The following TTC39A variants were observed in gnomAD, a reference collection of about 807,000 sequenced individuals.
The protein encoded by TTC39A is tetratricopeptide repeat protein 39A.
Under a neutral mutation model 82.3 loss-of-function variants are expected in TTC39A, and 46 were observed. That is an observed-to-expected ratio of 0.56 (90% CI 0.44 to 0.71). TTC39A has a LOEUF of 0.71. Among genes scored for constraint, TTC39A ranks in the 30% least tolerant of loss-of-function variants. The pLI, the probability that TTC39A is intolerant of heterozygous loss-of-function variation, is 0.00. For missense variants in TTC39A, 543 were observed against 712.9 expected (o/e 0.76, Z 2.71); for synonymous variants, 254 against 275.2 (o/e 0.92, Z 0.76).
intron 6 of TTC39A, among the ~76,000 whole-genome samples, chr1:51,308,695 C>A (rs535197574): frequency 6.6e-6 from 1 of 152,208 alleles, no homozygotes; most frequent in Non-Finnish European, 1.5e-5. Context: ...TTCATAAACA[C>A]GGCCTGTGCC....
intron 14 of TTC39A, among the ~76,000 whole-genome samples, chr1:51,293,203 G>T (rs1481954011): frequency 6.6e-6 from 1 of 152,090 alleles, no homozygotes; most frequent in Non-Finnish European, 1.5e-5. Flanking sequence ...GAGTAACTGG[G>T]ATTACAGGCA....
At chr1:51,297,145 A>T (rs1255213195) in intron 12 of TTC39A, 2 of 151,676 alleles carry the variant, frequency 1.3e-5, no homozygotes, top group Non-Finnish European at 2.9e-5. Flanking sequence ...CCTTCACAAC[A>T]TGAGGGAAAG....
At chr1:51,326,750 G>A (rs1458938469) in intron 1 of TTC39A, among the ~76,000 whole-genome samples, 1 of 152,220 alleles carries the variant, frequency 6.6e-6, no homozygotes, top group African/African-American at 2.4e-5. Flanking sequence ...TCACCTGGCT[G>A]AGACTGAGGC....
At chr1:51,336,622 T>C (rs1468070673) in intron 1 of TTC39A, among the ~76,000 whole-genome samples, 1 of 152,136 alleles carries the variant, frequency 6.6e-6, no homozygotes, top group Non-Finnish European at 1.5e-5. Context: ...GAACTTGGGA[T>C]GCAAAGACAG....
chr1:51,306,202 A>G (rs1285617103), intron 6 of TTC39A, 126 bp from the exon 7 acceptor site: 28 of 705,232 alleles, frequency 4.0e-5, no homozygotes, highest in Non-Finnish European at 6.7e-5. Context: ...GGTAATCCTG[A>G]GAGCTGGTAT....
Position 51,306,095 on chromosome 1 carries a change from T to C in TTC39A, c.489-19A>G. Reference sequence around the variant, plus strand: ...CAGCTCCCTGCAGAGAGATGCCAAGTCCTGTTTCAGCCACTGCTGGGGGTG... The same window carrying C: ...CAGCTCCCTGCAGAGAGATGCCAAGCCCTGTTTCAGCCACTGCTGGGGGTG... On this transcript the variant is annotated intron_variant, in intron 6 of 17. Transcript: ENST00000680483. 1 of 1,592,332 alleles carries C rather than the reference T, an allele frequency of 6.3e-7. No individual in the cohort carries two copies. The highest frequency in any genetic ancestry group is 1.7e-5 in the Admixed American group (1 of 59,876).
chr1:51,321,601 G>T lies in TTC39A; in HGVS notation c.146+120C>A. On this transcript the variant is annotated intron_variant, in intron 2 of 17. Transcript: ENST00000680483. The surrounding 1 kb of genome is among the most constrained non-coding windows in gnomAD (Gnocchi z 4.6). ...AGCCATTTTTATGGGACTTCTCAGA[G>T]GTCCTGGTGACCCAGAAAGCCAAAG... is the stretch of plus-strand genomic sequence containing the variant. 1.2e-6 allele frequency: 1 copy of T among 865,476 alleles called. No homozygotes were observed. The highest frequency in any genetic ancestry group is 1.8e-6 in the Non-Finnish European group (1 of 542,556). 53.6% of individuals were successfully genotyped at this position (865,476 alleles called of 1,614,324 possible).
At chr1:51,303,570 T>A (rs534566467) in intron 8 of TTC39A, among the ~76,000 whole-genome samples, 25 of 152,014 alleles carry the variant, frequency 1.6e-4, no homozygotes, top group Non-Finnish European at 3.4e-4. Flanking sequence ...GCTCAGGGCA[T>A]AGGTGGGGCC....
chr1:51,288,929 T>C lies in TTC39A; in HGVS notation c.1520A>G (p.Tyr507Cys). The C allele has an allele frequency of 1.2e-6, 2 of 1,609,342 alleles. No individual in the cohort carries two copies. The highest frequency in any genetic ancestry group is 1.7e-6 in the Non-Finnish European group (2 of 1,177,860). ...CTCCAGCAGGGCGTTTGGGATCAAG[T>C]AGTGGTCATATTTAATCTTCTTTTC... ...ANEKKIKYDH[Y>C]LIPNALLELA... is the part of the protein sequence containing the mutation. The change falls in exon 17 of 18, where the codon TAC becomes TGC. Residue 507 changes from tyrosine (Y) to cysteine (C), a missense_variant. Coordinates refer to ENST00000680483, the MANE Select transcript of TTC39A (RefSeq NM_001297663.2). This position sits in a 1 kb window ranked among gnomAD's most constrained non-coding sequence, Gnocchi z 4.8.
At chr1:51,344,852 G>A (rs1247971280) in intron 1 of TTC39A, 2 of 1,121,648 alleles carry the variant, frequency 1.8e-6, no homozygotes, top group Non-Finnish European at 2.4e-6. Context: ...TCGGGCCTCC[G>A]GCCGACCCCC....
chr1:51,314,173 G>T (rs1285645472), intron 2 of TTC39A, among the ~76,000 whole-genome samples: 2 of 152,328 alleles, frequency 1.3e-5, no homozygotes, highest in East Asian at 3.9e-4. Context: ...TTGGGGGCAG[G>T]GGGTGGCATT....
chr1:51,331,689 C>T (rs1017117371), upstream of TTC39A: 5 of 985,278 alleles, frequency 5.1e-6, no homozygotes, highest in African/African-American at 8.7e-5. Flanking sequence ...CATTTGTGAG[C>T]AGGGGCAGAT....
At chr1:51,312,030 C>T (rs1436294700) in intron 4 of TTC39A, 89 bp downstream of exon 4, 31 of 1,379,870 alleles carry the variant, frequency 2.2e-5, no homozygotes, top group Admixed American at 6.5e-5. Flanking sequence ...GCCCCCTAGG[C>T]GATGACAGGG....
intron 13 of TTC39A, 159 bp downstream of exon 13, chr1:51,295,920 G>T: frequency 1.4e-6 from 1 of 696,998 alleles, no homozygotes; most frequent in Non-Finnish European, 2.5e-6. Flanking sequence ...GTGATGGGAG[G>T]GGAGGACACG....
At chr1:51,314,387 C>T (rs576938147) in intron 2 of TTC39A, among the ~76,000 whole-genome samples, 8 of 152,274 alleles carry the variant, frequency 5.3e-5, no homozygotes, top group South Asian at 2.1e-4. Flanking sequence ...CAGGTCTCCT[C>T]GTGAATTATT....
chr1:51,311,345 C>T (rs766705445), intron 4 of TTC39A, 24 bp from the exon 5 acceptor site: 23 of 1,557,610 alleles, frequency 1.5e-5, no homozygotes, highest in East Asian at 1.2e-4. Context: ...ACCAAAGCCC[C>T]GTGGCCTCCT....
intron 2 of TTC39A, among the ~76,000 whole-genome samples, chr1:51,318,334 A>G (rs537657936): frequency 6.6e-6 from 1 of 152,214 alleles, no homozygotes; most frequent in African/African-American, 2.4e-5. Context: ...CTGAGAGGGG[A>G]ACCTGGACAT....
In TTC39A at chr1:51,321,013, C is replaced by T. The variant is rs568939164; in HGVS notation, c.146+708G>A. ...TCAGCCTCCTGAGTAGCTGGGATTA[C>T]AGGCACACACCACCACACCCAGCTA... On this transcript the variant is annotated intron_variant, in intron 2 of 17. Transcript: ENST00000680483. The surrounding 1 kb of genome is among the most constrained non-coding windows in gnomAD (Gnocchi z 4.6). 2.0e-5 allele frequency among the ~76,000 whole-genome samples: 3 copies of T among 149,124 alleles called. No homozygotes were observed. The highest frequency in any genetic ancestry group is 2.0e-4 in the East Asian group (1 of 4,892).
At chr1:51,296,721 G>A in intron 12 of TTC39A, 1 of 171,848 alleles carries the variant, frequency 5.8e-6, no homozygotes, top group Admixed American at 5.5e-5. Context: ...TGCTGTGTGT[G>A]CCAGGCACAC....
Sources: gnomAD v4.1 joint callset for allele counts (sites outside exome capture counted in the v4.1 genomes callset) on GRCh38, gnomAD v4.1.1 for gene constraint, Gnocchi (gnomAD v3.1) non-coding constraint, MANE v1.5 for transcripts, NCBI Gene and HGNC (gene_info 2026-07-23, HGNC 2026-07-21) for gene names.